AGAP1: variants seen among roughly 807,000 people sequenced by gnomAD.
AGAP1 encodes arf-GAP with GTPase, ANK repeat and PH domain-containing protein 1.
In AGAP1, 29 loss-of-function variants were observed where a neutral mutation model predicts 105.3. The observed-to-expected ratio is 0.28, with a 90% CI of 0.21 to 0.38. The LOEUF is 0.38. AGAP1 is among the 10% of genes least tolerant of loss of function. The pLI, the probability that AGAP1 is intolerant of heterozygous loss-of-function variation, is 1.00. For synonymous variants in AGAP1, 509 were observed against 485.9 expected, an observed-to-expected ratio of 1.05 and a Z score of -0.63; for missense variants, 998 against 1,165.1, an observed-to-expected ratio of 0.86 and a Z score of 2.09.
At chr2:235,630,256 C>G (rs1171619697) in intron 1 of AGAP1, among the ~76,000 whole-genome samples, 1 of 152,054 alleles carries the variant, frequency 6.6e-6, no homozygotes, top group Admixed American at 6.5e-5. Flanking sequence ...CTCTGTTGCC[C>G]AGGCTGGAGT....
rs969707794 is a variant in AGAP1, at chr2:235,692,739, T to C, written c.164-16440T>C. On this transcript the variant is annotated intron_variant, in intron 1 of 17. Transcript: ENST00000304032. The surrounding 1 kb of genome is among the most constrained non-coding windows in gnomAD (Gnocchi z 5.8). ...TTATCCTTCCCTGCCGCCTCGTGTG[T>C]CCTGCATGGCATTTGTTACAGCCCG... Among the ~76,000 whole-genome samples the C allele has an allele frequency of 6.6e-6, 1 of 152,206 alleles. No homozygotes were observed. Among genetic ancestry groups the C allele is most frequent in the African/African-American group, 2.4e-5 (1 of 41,446 alleles).
intron 1 of AGAP1, among the ~76,000 whole-genome samples, chr2:235,653,093 G>C (rs1210791248): frequency 6.6e-6 from 1 of 152,094 alleles, no homozygotes; most frequent in Non-Finnish European, 1.5e-5. Flanking sequence ...CAAGACACTT[G>C]ACCTCTCAAA....
intron 1 of AGAP1, among the ~76,000 whole-genome samples, chr2:235,680,275 A>G (rs940234092): frequency 6.6e-6 from 1 of 152,120 alleles, no homozygotes; most frequent in Non-Finnish European, 1.5e-5. Flanking sequence ...GAATTCAAGG[A>G]TGTTGGGCCA....
At chr2:236,108,939 C>A (rs1168161511) in intron 16 of AGAP1, among the ~76,000 whole-genome samples, 1 of 152,172 alleles carries the variant, frequency 6.6e-6, no homozygotes, top group Non-Finnish European at 1.5e-5. Context: ...TTAAAACTTT[C>A]TTTTCTGGGA....
Position 236,049,614 on chromosome 2 carries a change from A to G in AGAP1, c.2114+333A>G, listed in dbSNP as rs150025237. On this transcript the variant is annotated intron_variant, in intron 16 of 17. Coordinates refer to ENST00000304032, the MANE Select transcript of AGAP1 (RefSeq NM_001037131.3). ...GCTGTGCCGTTAACACTAATTATGAATTTTTGATCCTTTAATTTTGTTATT... is the reference window on the plus strand; with the variant it reads ...GCTGTGCCGTTAACACTAATTATGAGTTTTTGATCCTTTAATTTTGTTATT... 412 of 174,746 alleles carry G rather than the reference A, an allele frequency of 2.4e-3. 2 individuals carry two copies. Among genetic ancestry groups the G allele is most frequent in the African/African-American group, 8.8e-3 (374 of 42,338 alleles). The allele number at this position is 174,746 out of a possible 1,614,324, so 10.8% of individuals were successfully genotyped here.
At position 235,976,715 on chromosome 2, in the gene AGAP1, C is replaced by T. The variant is rs1200438674; in HGVS notation, c.1645+8092C>T. Among the ~76,000 whole-genome samples, 4 of 152,132 alleles carry T rather than the reference C, an allele frequency of 2.6e-5. No homozygotes were observed. Among genetic ancestry groups the T allele is most frequent in the East Asian group, 3.9e-4 (2 of 5,180 alleles). ...ACCAGTGGAGAAAGCAGAAACACGC[C>T]GGGGAACTTGGTTATGCAGGAGCAC... On this transcript the variant is annotated intron_variant, in intron 13 of 17. Transcript: ENST00000304032. The surrounding 1 kb of genome is among the most constrained non-coding windows in gnomAD (Gnocchi z 4.5).
At chr2:235,806,346 G>A (rs1332611012) in intron 8 of AGAP1, among the ~76,000 whole-genome samples, 3 of 152,194 alleles carry the variant, frequency 2.0e-5, no homozygotes, top group Non-Finnish European at 4.4e-5. Context: ...TAAGGAGGAC[G>A]AGTCTCCAAT....
intron 16 of AGAP1, among the ~76,000 whole-genome samples, chr2:236,116,253 C>T (rs1171211839): frequency 2.6e-5 from 4 of 152,002 alleles, no homozygotes; most frequent in African/African-American, 4.8e-5. Flanking sequence ...TTGTGGGTTT[C>T]GGGCCCACAA....
intron 1 of AGAP1, among the ~76,000 whole-genome samples, chr2:235,604,683 C>T (rs1393734816): frequency 1.4e-5 from 2 of 139,208 alleles, no homozygotes; most frequent in Admixed American, 7.7e-5. Flanking sequence ...CCCAGGTTCA[C>T]GCCATTCTCC....
At position 235,908,712 on chromosome 2, in the gene AGAP1, T is replaced by C; in HGVS notation, c.1156-26T>C. The stretch of plus-strand genomic sequence containing the variant: ...AAGGTCTTTTTTTTTTTTTTATCTC[T>C]CTTGGATGTTTAACATTTTCAACAG... On this transcript the variant is annotated intron_variant, in intron 10 of 17. Coordinates refer to ENST00000304032, the MANE Select transcript of AGAP1 (RefSeq NM_001037131.3). The surrounding 1 kb of genome is among the most constrained non-coding windows in gnomAD (Gnocchi z 4.4). 6.4e-7 allele frequency: 1 copy of C among 1,570,430 alleles called. No homozygotes were observed. The highest frequency in any genetic ancestry group is 8.6e-7 in the Non-Finnish European group (1 of 1,156,612).
intron 16 of AGAP1, among the ~76,000 whole-genome samples, chr2:236,085,999 C>T (rs999819790): frequency 6.6e-6 from 1 of 152,234 alleles, no homozygotes; most frequent in Non-Finnish European, 1.5e-5. Flanking sequence ...AGCCTGGGAG[C>T]GGGACAGGAT....
At position 235,635,298 on chromosome 2, in the gene AGAP1, A is replaced by G. The variant is rs1466195524; in HGVS notation, c.164-73881A>G. Among the ~76,000 whole-genome samples, 2 of 152,152 alleles carry G rather than the reference A, an allele frequency of 1.3e-5. No individual in the cohort carries two copies. Among genetic ancestry groups the G allele is most frequent in the Admixed American group, 6.5e-5 (1 of 15,272 alleles). ...ATGCCTATCCGAGGTGACTTAGCAG[A>G]GGATGAAGCACTCCCGTGAGTGAGC... On this transcript the variant is annotated intron_variant, in intron 1 of 17. Coordinates refer to ENST00000304032, the MANE Select transcript of AGAP1 (RefSeq NM_001037131.3). The surrounding 1 kb of genome is among the most constrained non-coding windows in gnomAD (Gnocchi z 5.3).
intron 16 of AGAP1, among the ~76,000 whole-genome samples, chr2:236,064,796 A>G (rs1316097885): frequency 6.6e-6 from 1 of 152,196 alleles, no homozygotes; most frequent in Non-Finnish European, 1.5e-5. Context: ...GGGGTGTGGA[A>G]GGAATGAACT....
rs887401236 is a variant in AGAP1, at chr2:235,740,916, C to T, written c.311-47C>T. 3.1e-6 allele frequency: 5 copies of T among 1,612,306 alleles called. No homozygotes were observed. Among genetic ancestry groups the T allele is most frequent in the African/African-American group, 2.7e-5 (2 of 74,918 alleles). ...GAAGCCCACGTCTGTCTGCCCTCCT[C>T]ACTCTCTGTTGTTCTCGTGTAACGA... On this transcript the variant is annotated intron_variant, in intron 3 of 17. Coordinates refer to ENST00000304032, the MANE Select transcript of AGAP1 (RefSeq NM_001037131.3). This position sits in a 1 kb window ranked among gnomAD's most constrained non-coding sequence, Gnocchi z 5.7.
rs192436962 is a variant in AGAP1, at chr2:235,882,735, A to G, written c.1051-610A>G. On this transcript the variant is annotated intron_variant, in intron 9 of 17. Transcript: ENST00000304032. This position sits in a 1 kb window ranked among gnomAD's most constrained non-coding sequence, Gnocchi z 4.6. ...GGTGATCTGCCCACCTCGGCCTCCCAAAGTTCTGGGATTACAGGCGTGAGC... is the reference window on the plus strand; with the variant it reads ...GGTGATCTGCCCACCTCGGCCTCCCGAAGTTCTGGGATTACAGGCGTGAGC... 4.6e-3 allele frequency among the ~76,000 whole-genome samples: 693 copies of G among 152,244 alleles called. 7 individuals are homozygous for G. Among genetic ancestry groups the G allele is most frequent in the African/African-American group, 0.016 (663 of 41,544 alleles).
intron 6 of AGAP1, among the ~76,000 whole-genome samples, chr2:235,786,064 C>T (rs1309653648): frequency 6.6e-6 from 1 of 152,134 alleles, no homozygotes; most frequent in East Asian, 1.9e-4. Flanking sequence ...ACTTTCTCTG[C>T]GAGACAGCTT....
chr2:236,010,129 A>G (rs553983260), intron 13 of AGAP1, among the ~76,000 whole-genome samples: 2 of 149,772 alleles, frequency 1.3e-5, no homozygotes, highest in South Asian at 2.1e-4. Context: ...AAAAAAAAAA[A>G]CAAAAAACTT....
intron 1 of AGAP1, among the ~76,000 whole-genome samples, chr2:235,652,742 A>G (rs1472907111): frequency 6.6e-6 from 1 of 151,508 alleles, no homozygotes; most frequent in African/African-American, 2.4e-5. Flanking sequence ...AAACACAAAA[A>G]TTAGCCAGTT....
At chr2:235,995,719 C>A (rs956932178) in intron 13 of AGAP1, among the ~76,000 whole-genome samples, 5 of 152,122 alleles carry the variant, frequency 3.3e-5, no homozygotes, top group Non-Finnish European at 7.3e-5. Flanking sequence ...ATGCTTTGGT[C>A]CTATTGAGGA....
Sources: gnomAD v4.1 joint callset for allele counts (sites outside exome capture counted in the v4.1 genomes callset) on GRCh38, gnomAD v4.1.1 for gene constraint, Gnocchi (gnomAD v3.1) non-coding constraint, MANE v1.5 for transcripts, NCBI Gene and HGNC (gene_info 2026-07-23, HGNC 2026-07-21) for gene names.